Variants in SLC16A12 observed in about 807,000 individuals in gnomAD.
The protein encoded by SLC16A12 is solute carrier family 16 member 12.
In SLC16A12, 17 loss-of-function variants were observed where a neutral mutation model predicts 42.4. That is an observed-to-expected ratio of 0.40 (90% confidence interval 0.27 to 0.60). SLC16A12 has a LOEUF of 0.60. Ranked by LOEUF, SLC16A12 falls within the 20% of genes least tolerant of loss-of-function variation. The pLI, the probability that SLC16A12 is intolerant of heterozygous loss-of-function variation, is 0.42. For synonymous variants in SLC16A12, 224 were observed against 229.4 expected, an observed-to-expected ratio of 0.98 and a Z score of 0.21; for missense variants, 544 against 623.0, an observed-to-expected ratio of 0.87 and a Z score of 1.35.
chr10:89,541,938 T>C (rs1239180204), intron 2 of SLC16A12, among the ~76,000 whole-genome samples: 1 of 152,202 alleles, frequency 6.6e-6, no homozygotes, highest in Non-Finnish European at 1.5e-5. Context: ...ATTTTCATAA[T>C]ATTAAGAGCA....
rs986759760 is a variant in SLC16A12, at chr10:89,432,882, C to T, written c.*182G>A. ...AAATCCCAAATGAGAAGGCTCTGGG[C>T]TAGTCCAGCTTTCCTTATTATGTGC... On this transcript the variant is annotated 3_prime_UTR_variant, in exon 8 of 8. Transcript: ENST00000371790. 4.8e-6 allele frequency: 4 copies of T among 827,384 alleles called. No individual in the cohort carries two copies. The highest frequency in any genetic ancestry group is 7.2e-6 in the Non-Finnish European group (4 of 554,144). 51.3% of individuals were successfully genotyped at this position (827,384 alleles called of 1,614,324 possible). A position where few individuals can be genotyped will look rare whatever the true frequency, so the allele number is the denominator to read the frequency against.
intron 3 of SLC16A12, among the ~76,000 whole-genome samples, chr10:89,451,439 T>G (rs1842095079): frequency 6.6e-6 from 1 of 151,930 alleles, no homozygotes; most frequent in Non-Finnish European, 1.5e-5. Flanking sequence ...GAAACAGAGT[T>G]TTACTCCTGT....
chr10:89,478,440 A>G (rs1842614035), intron 2 of SLC16A12, among the ~76,000 whole-genome samples: 2 of 152,200 alleles, frequency 1.3e-5, no homozygotes, highest in Non-Finnish European at 2.9e-5. Flanking sequence ...TGTGTTGCAT[A>G]CCAGTGTGAT....
At chr10:89,436,940 A>G (rs562785469) in intron 6 of SLC16A12, among the ~76,000 whole-genome samples, 3 of 150,248 alleles carry the variant, frequency 2.0e-5, no homozygotes, top group Non-Finnish European at 3.0e-5. Flanking sequence ...AAATCTCAAA[A>G]TGTTGTAAGA....
At chr10:89,507,639 G>T (rs1422096791) in intron 2 of SLC16A12, among the ~76,000 whole-genome samples, 1 of 152,216 alleles carries the variant, frequency 6.6e-6, no homozygotes, top group African/African-American at 2.4e-5. Context: ...AAATTGTGAA[G>T]ACCATCAACA....
At chr10:89,472,008 A>G (rs942911457) in intron 2 of SLC16A12, among the ~76,000 whole-genome samples, 1 of 152,152 alleles carries the variant, frequency 6.6e-6, no homozygotes, top group African/African-American at 2.4e-5. Flanking sequence ...AATACTTTAT[A>G]TATTCTAGAT....
chr10:89,548,826 C>T (rs149603668), intron 2 of SLC16A12, among the ~76,000 whole-genome samples: 8 of 152,188 alleles, frequency 5.3e-5, no homozygotes, highest in East Asian at 3.9e-4. Flanking sequence ...AAAAAAAAGA[C>T]GCACTAACTG....
intron 7 of SLC16A12, 91 bp from the exon 8 acceptor site, chr10:89,433,417 T>C (rs1653035864): frequency 1.5e-6 from 2 of 1,314,814 alleles, no homozygotes; most frequent in Admixed American, 1.9e-5. Context: ...AGGATAATAA[T>C]AGATCGATAG....
intron 2 of SLC16A12, among the ~76,000 whole-genome samples, chr10:89,464,664 C>A (rs1312600626): frequency 6.6e-6 from 1 of 152,162 alleles, no homozygotes; most frequent in Non-Finnish European, 1.5e-5. Context: ...TTTAAGACCA[C>A]AACTTTCTCA....
chr10:89,500,034 A>T (rs902915935), intron 2 of SLC16A12, among the ~76,000 whole-genome samples: 1 of 152,208 alleles, frequency 6.6e-6, no homozygotes, highest in Non-Finnish European at 1.5e-5. Context: ...ATGGGCATAA[A>T]CTAGAAAACC....
At chr10:89,486,269 TAA>T (rs1842739965) in intron 2 of SLC16A12, among the ~76,000 whole-genome samples, 1 of 151,780 alleles carries the variant, frequency 6.6e-6, no homozygotes, top group African/African-American at 2.4e-5. Context: ...TTTTCTTATC[TAA>T]AAAAAGAAAG....
At chr10:89,546,715 TATAAAGAC>T (rs757121072) in intron 2 of SLC16A12, among the ~76,000 whole-genome samples, 2 of 152,220 alleles carry the variant, frequency 1.3e-5, no homozygotes, top group Non-Finnish European at 2.9e-5. Context: ...ATCATTATAC[TATAAAGAC>T]ACATGCACAC....
chr10:89,441,183 C>A lies in SLC16A12; in HGVS notation c.373G>T (p.Ala125Ser). The change falls in exon 5 of 8, where the codon GCA becomes TCA. Residue 125 changes from alanine to serine, a missense_variant. Coordinates refer to ENST00000371790, the MANE Select transcript of SLC16A12 (RefSeq NM_213606.4). Reference protein sequence around the residue: ...QVGIMLGGLLASTGLILSSFA... With the variant: ...QVGIMLGGLLSSTGLILSSFA... ...GAGCTCAGGATGAGTCCAGTAGATG[C>A]AAGCAAGCCACCCAGCATGATTCCC... The A allele has an allele frequency of 1.9e-6, 3 of 1,613,972 alleles. No individual in the cohort carries two copies. The highest frequency in any genetic ancestry group is 2.5e-6 in the Non-Finnish European group (3 of 1,179,900).
At chr10:89,443,959 A>G (rs1841957756) in intron 3 of SLC16A12, 100 bp from the exon 4 acceptor site, 8 of 781,424 alleles carry the variant, frequency 1.0e-5, no homozygotes, top group South Asian at 1.5e-5. Context: ...CCTGTTTCCA[A>G]GGGTTTTAAT....
intron 3 of SLC16A12, among the ~76,000 whole-genome samples, chr10:89,454,412 C>G (rs1236524500): frequency 6.6e-6 from 1 of 152,106 alleles, no homozygotes; most frequent in Non-Finnish European, 1.5e-5. Flanking sequence ...TCCTAATCTT[C>G]CTGAATTCAC....
In SLC16A12 at chr10:89,433,048, G is replaced by A; in HGVS notation, c.*16C>T. 6.2e-7 allele frequency: 1 copy of A among 1,613,840 alleles called. No homozygotes were observed. Among genetic ancestry groups the A allele is most frequent in the Non-Finnish European group, 8.5e-7 (1 of 1,179,988 alleles). ...CCTCTCTCAAACCTGAAGATTCTGG[G>A]GCTCAAGGCCTTTGGTCATGTGAGG... is the stretch of plus-strand genomic sequence containing the variant. On this transcript the variant is annotated 3_prime_UTR_variant, in exon 8 of 8. Transcript: ENST00000371790.
chr10:89,443,948 T>C (rs929630461), intron 3 of SLC16A12, 89 bp from the exon 4 acceptor site: 1 of 830,942 alleles, frequency 1.2e-6, no homozygotes, highest in African/African-American at 1.7e-5. Context: ...AATTAGCTGC[T>C]CCTGTTTCCA....
intron 2 of SLC16A12, among the ~76,000 whole-genome samples, chr10:89,519,747 G>A (rs765647804): frequency 6.6e-6 from 1 of 151,954 alleles, no homozygotes; most frequent in Non-Finnish European, 1.5e-5. Context: ...GGGGGGGTCC[G>A]AGGAAAAGAA....
At position 89,438,270 on chromosome 10, in the gene SLC16A12, G is replaced by C. The variant is rs1841837100; in HGVS notation, c.1028+334C>G. On this transcript the variant is annotated intron_variant, in intron 6 of 7. Coordinates refer to ENST00000371790, the MANE Select transcript of SLC16A12 (RefSeq NM_213606.4). The stretch of plus-strand genomic sequence containing the variant: ...TTTGTGACACATGAAAATTATAAGA[G>C]AAATTCACATTTCAGTGTGCATAAA... Among the ~76,000 whole-genome samples the C allele has an allele frequency of 2.6e-5, 4 of 152,204 alleles. No homozygotes were observed. The South Asian group carries it at 8.3e-4, about 31-fold the overall frequency.
Sources: gnomAD v4.1 joint callset for allele counts (sites outside exome capture counted in the v4.1 genomes callset) on GRCh38, gnomAD v4.1.1 for gene constraint, MANE v1.5 for transcripts, NCBI Gene and HGNC (gene_info 2026-07-23, HGNC 2026-07-21) for gene names.